RBFOX2: variants seen among roughly 807,000 people sequenced by gnomAD.
The protein encoded by RBFOX2 is RNA binding fox-1 homolog 2, also known as RNA binding protein fox-1 homolog 2.
A neutral mutation model predicts 49.1 loss-of-function variants in RBFOX2; 10 were observed. The ratio of observed to expected loss-of-function variants is 0.20; its 90% CI spans 0.13 to 0.35. RBFOX2 has a LOEUF of 0.35. RBFOX2 is among the 10% of genes least tolerant of loss of function. The pLI is 1.00. For missense variants in RBFOX2, 323 were observed against 486.9 expected (o/e 0.66, Z 3.17); for synonymous variants, 183 against 187.4 (o/e 0.98, Z 0.19).
At chr22:35,967,738 A>T (rs1028347475) in intron 1 of RBFOX2, among the ~76,000 whole-genome samples, 3 of 152,196 alleles carry the variant, frequency 2.0e-5, no homozygotes, top group Non-Finnish European at 2.9e-5. Context: ...TGATTTCAAC[A>T]AAGAACAGGA....
intron 1 of RBFOX2, among the ~76,000 whole-genome samples, chr22:35,873,057 C>T (rs2044564446): frequency 6.6e-6 from 1 of 152,176 alleles, no homozygotes; most frequent in Admixed American, 6.5e-5. Flanking sequence ...ATCTCAATAC[C>T]CATTACCACA....
At chr22:35,854,792 T>C (rs979053880) in intron 1 of RBFOX2, among the ~76,000 whole-genome samples, 1 of 152,176 alleles carries the variant, frequency 6.6e-6, no homozygotes, top group Non-Finnish European at 1.5e-5. Context: ...CCCATTTCTT[T>C]CTGTAAAATT....
At chr22:35,774,186 G>A (rs970166133) in intron 4 of RBFOX2, among the ~76,000 whole-genome samples, 6 of 152,056 alleles carry the variant, frequency 3.9e-5, no homozygotes, top group Admixed American at 2.6e-4. Flanking sequence ...TTCTGAGAGA[G>A]AAAGGGGTCA....
chr22:35,878,097 T>C (rs1034695070), intron 1 of RBFOX2, among the ~76,000 whole-genome samples: 2 of 151,546 alleles, frequency 1.3e-5, no homozygotes, highest in Non-Finnish European at 2.9e-5. Context: ...GTTTTGTTTT[T>C]AAAGATACAG....
chr22:35,934,459 C>A (rs920690693), intron 1 of RBFOX2, among the ~76,000 whole-genome samples: 3 of 152,138 alleles, frequency 2.0e-5, no homozygotes, highest in Admixed American at 2.0e-4. Flanking sequence ...GATGGCCATA[C>A]ATCCCAGTTT....
intron 1 of RBFOX2, among the ~76,000 whole-genome samples, chr22:35,960,019 TA>T (rs2056025929): frequency 1.3e-5 from 2 of 152,208 alleles, no homozygotes; most frequent in South Asian, 2.1e-4. Flanking sequence ...GTTGCATTGT[TA>T]TTTTTTTTCT....
chr22:35,959,041 A>G (rs1428302236), intron 1 of RBFOX2, among the ~76,000 whole-genome samples: 1 of 152,188 alleles, frequency 6.6e-6, no homozygotes, highest in African/African-American at 2.4e-5. Context: ...AAGGGCAAGA[A>G]GAGCCCACAG....
At chr22:35,756,491 G>A (rs1302081750) in intron 9 of RBFOX2, among the ~76,000 whole-genome samples, 1 of 152,078 alleles carries the variant, frequency 6.6e-6, no homozygotes, top group Non-Finnish European at 1.5e-5. Context: ...TGTATATGGA[G>A]TATTTTTAAA....
intron 1 of RBFOX2, among the ~76,000 whole-genome samples, chr22:35,975,228 T>C (rs1335965366): frequency 6.6e-6 from 1 of 152,232 alleles, no homozygotes; most frequent in African/African-American, 2.4e-5. Flanking sequence ...CTATCTTGTA[T>C]GAATTGGTAA....
intron 9 of RBFOX2, chr22:35,748,477 AC>A (rs1161639666): frequency 6.7e-6 from 1 of 150,268 alleles, no homozygotes; most frequent in Non-Finnish European, 1.5e-5. Flanking sequence ...GTATTTCTTT[AC>A]CTTTTTTTTT....
At chr22:35,991,759 G>A (rs1230626245) in intron 1 of RBFOX2, among the ~76,000 whole-genome samples, 1 of 152,170 alleles carries the variant, frequency 6.6e-6, no homozygotes, top group Non-Finnish European at 1.5e-5. Flanking sequence ...GATGTGGACC[G>A]ACTCAGGCTG....
intron 1 of RBFOX2, among the ~76,000 whole-genome samples, chr22:35,851,764 G>A (rs1254287947): frequency 1.3e-5 from 2 of 151,086 alleles, no homozygotes; most frequent in Non-Finnish European, 2.9e-5. Context: ...GGAGGCGAAG[G>A]CTCACCACCG....
In RBFOX2 at chr22:36,024,391, C is replaced by T. The variant is rs577794424; in HGVS notation, c.186+3849G>A. Among the ~76,000 whole-genome samples the T allele has an allele frequency of 7.6e-4, 115 of 152,218 alleles. No individual in the cohort carries two copies. In the South Asian group the frequency reaches 0.01, roughly 14 times the overall value. ...ATATACCAAGAGGCAAGAGTAGGAT[C>T]GGAATGGTGTGAACTAAGCTGTCAG... is the stretch of plus-strand genomic sequence containing the variant. On this transcript the variant is annotated intron_variant, in intron 1 of 13. Transcript: ENST00000438146.
intron 4 of RBFOX2, among the ~76,000 whole-genome samples, chr22:35,776,718 A>C (rs905101640): frequency 6.6e-6 from 1 of 152,242 alleles, no homozygotes; most frequent in Non-Finnish European, 1.5e-5. Flanking sequence ...ACCAAATGAA[A>C]ATTAACTAAA....
In RBFOX2 at chr22:35,765,407, G is replaced by C; in HGVS notation, c.607+16C>G. 1.3e-6 allele frequency: 2 copies of C among 1,484,086 alleles called. No homozygotes were observed. Among genetic ancestry groups the C allele is most frequent in the Non-Finnish European group, 1.9e-6 (2 of 1,076,362 alleles). 91.9% of individuals were successfully genotyped at this position (1,484,086 alleles called of 1,614,324 possible). ...ACACAAGAATAAACACTCTTTCGAAGATTATAATTTCTTACCATTTGCATA... is the reference window on the plus strand; with the variant it reads ...ACACAAGAATAAACACTCTTTCGAACATTATAATTTCTTACCATTTGCATA... On this transcript the variant is annotated intron_variant, in intron 6 of 11. Coordinates refer to ENST00000405409, the Ensembl canonical transcript of RBFOX2.
intron 1 of RBFOX2, among the ~76,000 whole-genome samples, chr22:35,816,155 G>A (rs1426546911): frequency 6.6e-6 from 1 of 152,152 alleles, no homozygotes; most frequent in Non-Finnish European, 1.5e-5. Context: ...ACAAAACAAT[G>A]CTCATTTGCA....
chr22:35,915,659 A>G (rs1388661117), intron 1 of RBFOX2, among the ~76,000 whole-genome samples: 1 of 152,184 alleles, frequency 6.6e-6, no homozygotes, highest in Non-Finnish European at 1.5e-5. Context: ...CAGTTAAACC[A>G]AAGAGAAAGC....
chr22:35,968,596 T>G (rs1251668245), intron 1 of RBFOX2, among the ~76,000 whole-genome samples: 1 of 152,214 alleles, frequency 6.6e-6, no homozygotes, highest in African/African-American at 2.4e-5. Context: ...TCAAAGTCAC[T>G]CCTCTGATGC....
At chr22:35,923,943 T>C (rs1461689476) in intron 1 of RBFOX2, among the ~76,000 whole-genome samples, 1 of 143,534 alleles carries the variant, frequency 7.0e-6, no homozygotes, top group Non-Finnish European at 1.5e-5. Context: ...GCAAGTAAAA[T>C]GCAAAAAAAA....
Sources: gnomAD v4.1 joint callset for allele counts (sites outside exome capture counted in the v4.1 genomes callset) on GRCh38, gnomAD v4.1.1 for gene constraint, MANE v1.5 for transcripts, NCBI Gene and HGNC (gene_info 2026-07-23, HGNC 2026-07-21) for gene names.